CAST: variants seen among roughly 807,000 people sequenced by gnomAD.
CAST encodes the protein MIR583 host.
Under a neutral mutation model 119.6 loss-of-function variants are expected in CAST, and 76 were observed. The observed-to-expected ratio is 0.64, with a 90% CI of 0.53 to 0.77. The LOEUF (loss-of-function observed/expected upper bound fraction) is 0.77. Among genes scored for constraint, CAST ranks in the 30% least tolerant of loss-of-function variants. The pLI, the probability that CAST is intolerant of heterozygous loss-of-function variation, is 0.00. For synonymous variants in CAST, 319 were observed against 331.6 expected, an observed-to-expected ratio of 0.96 and a Z score of 0.41; for missense variants, 953 against 946.5, an observed-to-expected ratio of 1.01 and a Z score of -0.09.
At chr5:96,573,631 C>A (rs1035327587) in intron 1 of CAST, among the ~76,000 whole-genome samples, 1 of 77,204 alleles carries the variant, frequency 1.3e-5, no homozygotes, top group Non-Finnish European at 2.6e-5. Flanking sequence ...CAGAGCAACA[C>A]CCTGTCTCAA....
the CAST span, among the ~76,000 whole-genome samples, chr5:96,397,774 C>T: frequency 1.3e-5 from 2 of 151,520 alleles, no homozygotes; most frequent in Non-Finnish European, 2.9e-5. Flanking sequence ...GAAAACTCGG[C>T]GAACTACATT....
At chr5:96,498,391 C>T in the CAST span, among the ~76,000 whole-genome samples, 1 of 152,106 alleles carries the variant, frequency 6.6e-6, no homozygotes. Flanking sequence ...TTTTCCAATT[C>T]TGTGAAGAAA....
rs1773246715 is a variant in CAST at position 96,773,659 on chromosome 5, G to T, written c.*1043G>T. 6.6e-6 allele frequency: 1 copy of T among 152,034 alleles called. No homozygotes were observed. The highest frequency in any genetic ancestry group is 1.5e-5 in the Non-Finnish European group (1 of 67,986). 9.4% of individuals were successfully genotyped at this position (152,034 alleles called of 1,614,324 possible). On this transcript the variant is annotated 3_prime_UTR_variant, in exon 32 of 32. Coordinates refer to ENST00000675179, the MANE Select transcript of CAST (RefSeq NM_001750.7). ...TCTCCCACAGCAATGTAAGAAGTAG[G>T]CTCTGATGTCCTACCACTTTGAATG...
chr5:95,997,082 A>G, the CAST span, among the ~76,000 whole-genome samples: 4 of 152,216 alleles, frequency 2.6e-5, no homozygotes, highest in East Asian at 1.9e-4. Flanking sequence ...GTATTTTTCC[A>G]TACAATGACT....
chr5:96,090,824 C>A, the CAST span, among the ~76,000 whole-genome samples: 1 of 151,596 alleles, frequency 6.6e-6, no homozygotes, highest in South Asian at 2.1e-4. Flanking sequence ...CCCCTGTGGC[C>A]TCCATCTAGT....
At chr5:96,673,195 A>T (rs546760601) in intron 1 of CAST, among the ~76,000 whole-genome samples, 1 of 152,324 alleles carries the variant, frequency 6.6e-6, no homozygotes, top group South Asian at 2.1e-4. Flanking sequence ...CAGATTATGG[A>T]TGTGATATCA....
chr5:96,522,888 G>A (rs1745540153), upstream of CAST, among the ~76,000 whole-genome samples: 2 of 152,224 alleles, frequency 1.3e-5, no homozygotes, highest in Non-Finnish European at 2.9e-5. Flanking sequence ...TAAGTAAAGG[G>A]AGAGTCGGGC....
the CAST span, among the ~76,000 whole-genome samples, chr5:96,052,353 G>T: frequency 6.6e-6 from 1 of 152,166 alleles, no homozygotes; most frequent in Non-Finnish European, 1.5e-5. Flanking sequence ...AACAACTGAA[G>T]AGTTCAGAAA....
the CAST span, among the ~76,000 whole-genome samples, chr5:96,283,311 C>T: frequency 1.3e-5 from 2 of 151,898 alleles, no homozygotes; most frequent in Admixed American, 6.6e-5. Context: ...ATTGGTCTTC[C>T]CTAAATAATA....
the CAST span, chr5:96,425,980 G>T: frequency 9.9e-7 from 1 of 1,014,772 alleles, no homozygotes. Context: ...ATCTACCTCT[G>T]TATACTTCCT....
chr5:96,121,483 G>GA, the CAST span, among the ~76,000 whole-genome samples: 2,278 of 134,622 alleles, frequency 0.017, 39 homozygotes, highest in African/African-American at 0.052. Context: ...TCATTTTGAT[G>GA]AAAAAAAAAA....
At chr5:96,052,433 G>A in the CAST span, among the ~76,000 whole-genome samples, 1 of 152,318 alleles carries the variant, frequency 6.6e-6, no homozygotes, top group Non-Finnish European at 1.5e-5. Context: ...AAATATGTAG[G>A]TATATCTCTG....
chr5:96,753,450 A>G (rs1007803960), intron 20 of CAST, among the ~76,000 whole-genome samples: 1 of 152,236 alleles, frequency 6.6e-6, no homozygotes, highest in African/African-American at 2.4e-5. Context: ...CAGCATGGCC[A>G]GAGTTCATTA....
At chr5:96,260,495 C>T in the CAST span, among the ~76,000 whole-genome samples, 1 of 152,170 alleles carries the variant, frequency 6.6e-6, no homozygotes, top group Admixed American at 6.5e-5. Flanking sequence ...CTAAGGAAAG[C>T]CATCCATTTC....
intron 1 of CAST, among the ~76,000 whole-genome samples, chr5:96,602,929 G>A (rs1747181178): frequency 6.6e-6 from 1 of 152,170 alleles, no homozygotes; most frequent in Non-Finnish European, 1.5e-5. Flanking sequence ...ATCAGCAAAT[G>A]CAAAGGCCTG....
intron 2 of CAST, among the ~76,000 whole-genome samples, chr5:96,689,244 C>A (rs1474503634): frequency 6.6e-6 from 1 of 152,106 alleles, no homozygotes; most frequent in African/African-American, 2.4e-5. Flanking sequence ...ACACACTATC[C>A]CCACCCTTGT....
rs1056753879 is a variant in CAST, at chr5:96,723,521, A to G, written c.270+823A>G. On this transcript the variant is annotated intron_variant, in intron 4 of 31. Coordinates refer to ENST00000675179, the MANE Select transcript of CAST (RefSeq NM_001750.7). ...TTTGAGTCTTGTGGGGTACCATTTT[A>G]TTGACAAACCTTTCTTGAGCTCTAT... Among the ~76,000 whole-genome samples the G allele has an allele frequency of 1.4e-4, 22 of 151,998 alleles. 1 individual carries two copies. The highest frequency in any genetic ancestry group is 1.1e-3 in the Admixed American group (17 of 15,282).
the CAST span, chr5:96,408,389 G>A: frequency 1.8e-6 from 2 of 1,136,454 alleles, no homozygotes; most frequent in Non-Finnish European, 2.6e-6. Context: ...CTGTCTTGGG[G>A]GTTAACTGTA....
At chr5:96,514,063 C>T in the CAST span, among the ~76,000 whole-genome samples, 2 of 152,136 alleles carry the variant, frequency 1.3e-5, no homozygotes, top group South Asian at 4.1e-4. Flanking sequence ...ACACCAGTCA[C>T]GTTGGATGAA....
Sources: gnomAD v4.1 joint callset for allele counts (sites outside exome capture counted in the v4.1 genomes callset) on GRCh38, gnomAD v4.1.1 for gene constraint, MANE v1.5 for transcripts, NCBI Gene and HGNC (gene_info 2026-07-23, HGNC 2026-07-21) for gene names.